Variants in SDK1 observed in about 807,000 individuals in gnomAD.
SDK1 encodes sidekick cell adhesion molecule 1, also known as protein sidekick-1.
A neutral mutation model predicts 245.5 loss-of-function variants in SDK1; 157 were observed. The ratio of observed to expected loss-of-function variants is 0.64; its 90% CI spans 0.56 to 0.73. The LOEUF (loss-of-function observed/expected upper bound fraction) is 0.73. Among genes scored for constraint, SDK1 ranks in the 30% least tolerant of loss-of-function variants. The pLI is 0.00. For missense variants in SDK1, 3,583 were observed against 3,002.3 expected (o/e 1.19, Z -4.52); for synonymous variants, 1,647 against 1,278.5 (o/e 1.29, Z -6.15).
In SDK1 at chr7:3,957,460, G is replaced by A. The variant is rs10238543; in HGVS notation, c.1151-1471G>A. Among the ~76,000 whole-genome samples the A allele has an allele frequency of 6.4e-3, 973 of 152,244 alleles. 15 individuals are homozygous for A. The highest frequency in any genetic ancestry group is 0.023 in the African/African-American group (935 of 41,528). On this transcript the variant is annotated intron_variant, in intron 7 of 44. Transcript: ENST00000404826. ...ACAGTGTTACTTCTCACAACTGCACGGACTCGACAGTTTTCTAAAAAGAAA... is the reference window on the plus strand; with the variant it reads ...ACAGTGTTACTTCTCACAACTGCACAGACTCGACAGTTTTCTAAAAAGAAA...
At chr7:3,979,609 C>A (rs965963750) in intron 13 of SDK1, among the ~76,000 whole-genome samples, 3 of 152,174 alleles carry the variant, frequency 2.0e-5, no homozygotes, top group African/African-American at 7.2e-5. Context: ...TTCATCCCCC[C>A]ACTGAGAGAA....
chr7:3,987,503 G>A (rs904743619), intron 14 of SDK1, among the ~76,000 whole-genome samples, 181 bp downstream of exon 14: 1 of 152,178 alleles, frequency 6.6e-6, no homozygotes, highest in Non-Finnish European at 1.5e-5. Flanking sequence ...GGACCTGAGA[G>A]AGGGAAGGGA....
At chr7:3,859,781 G>A (rs545202037) in intron 5 of SDK1, among the ~76,000 whole-genome samples, 7 of 152,248 alleles carry the variant, frequency 4.6e-5, no homozygotes, top group Admixed American at 1.3e-4. Flanking sequence ...TGTCACTCAC[G>A]TCACACTTCT....
At chr7:3,846,913 G>C (rs1780293523) in intron 5 of SDK1, among the ~76,000 whole-genome samples, 1 of 152,094 alleles carries the variant, frequency 6.6e-6, no homozygotes, top group Non-Finnish European at 1.5e-5. Flanking sequence ...GCAGGTGAAA[G>C]GTGACCTGTC....
At chr7:3,546,661 A>G (rs1779235230) in intron 1 of SDK1, among the ~76,000 whole-genome samples, 1 of 152,226 alleles carries the variant, frequency 6.6e-6, no homozygotes, top group African/African-American at 2.4e-5. Flanking sequence ...CCCAGGGGGG[A>G]CGTCTCCCAA....
At chr7:3,919,636 C>G (rs564049636) in intron 5 of SDK1, among the ~76,000 whole-genome samples, 1 of 152,294 alleles carries the variant, frequency 6.6e-6, no homozygotes, top group South Asian at 2.1e-4. Flanking sequence ...CAATGGAGCA[C>G]CGGCTCTTAG....
At chr7:4,050,548 A>G (rs917749819) in intron 18 of SDK1, among the ~76,000 whole-genome samples, 4 of 152,210 alleles carry the variant, frequency 2.6e-5, no homozygotes, top group African/African-American at 9.7e-5. Flanking sequence ...AGTCCTAGAA[A>G]TGTTTGGTGC....
chr7:3,494,203 T>A (rs949905805), intron 1 of SDK1, among the ~76,000 whole-genome samples: 1 of 152,196 alleles, frequency 6.6e-6, no homozygotes, highest in Non-Finnish European at 1.5e-5. Context: ...AGGAAAACTT[T>A]TAGGAGCTTT....
chr7:3,437,290 A>C (rs1421307712), intron 1 of SDK1, among the ~76,000 whole-genome samples: 1 of 152,018 alleles, frequency 6.6e-6, no homozygotes, highest in East Asian at 1.9e-4. Flanking sequence ...CCCAGATTTG[A>C]GGGGTGGGCC....
At chr7:3,685,195 A>T (rs1784240867) in intron 4 of SDK1, among the ~76,000 whole-genome samples, 1 of 135,744 alleles carries the variant, frequency 7.4e-6, no homozygotes, top group South Asian at 2.5e-4. Flanking sequence ...CATCATAAAT[A>T]AACTTGTGAA....
chr7:4,123,713 CATT>C (rs1385072785), intron 25 of SDK1, among the ~76,000 whole-genome samples: 4 of 152,342 alleles, frequency 2.6e-5, no homozygotes, highest in Non-Finnish European at 5.9e-5. Context: ...GACTGGCTGG[CATT>C]ATCTCCCTCC....
rs190022416 is a variant in SDK1, at chr7:3,619,771, C to A, written c.458+532C>A. Among the ~76,000 whole-genome samples, 373 of 152,284 alleles carry A rather than the reference C, an allele frequency of 2.4e-3. 3 individuals carry two copies. Among genetic ancestry groups the A allele is most frequent in the South Asian group, 0.018 (85 of 4,812 alleles). On this transcript the variant is annotated intron_variant, in intron 2 of 44. Coordinates refer to ENST00000404826, the MANE Select transcript of SDK1 (RefSeq NM_152744.4). Reference sequence around the variant, plus strand: ...ATATATTGAAGTCCTGCCATGTGCCCAGCACTGTGCCAGTCACCAGGGATC... The same window carrying A: ...ATATATTGAAGTCCTGCCATGTGCCAAGCACTGTGCCAGTCACCAGGGATC...
chr7:3,460,530 TTA>T (rs1370275364), intron 1 of SDK1, among the ~76,000 whole-genome samples: 1 of 152,204 alleles, frequency 6.6e-6, no homozygotes, highest in African/African-American at 2.4e-5. Flanking sequence ...TTCGGATAAT[TTA>T]TATGTCAGTG....
chr7:3,861,127 C>G lies in SDK1; in HGVS notation c.847+39544C>G, dbSNP rs375622017. On this transcript the variant is annotated intron_variant, in intron 5 of 44. Transcript: ENST00000404826. The stretch of plus-strand genomic sequence containing the variant: ...GCTGTGAAAAATAGTTGCACATGAT[C>G]ACAGGGAGACACGCGTAAGGGTGTT... 2.2e-4 allele frequency among the ~76,000 whole-genome samples: 34 copies of G among 152,036 alleles called. No homozygotes were observed. In the East Asian group the frequency reaches 5.2e-3, roughly 23 times the overall value.
intron 40 of SDK1, among the ~76,000 whole-genome samples, chr7:4,226,249 T>C (rs909656108): frequency 1.3e-5 from 2 of 152,192 alleles, no homozygotes; most frequent in African/African-American, 4.8e-5. Flanking sequence ...ACAGGGGCCC[T>C]CACCGCTGGG....
intron 4 of SDK1, among the ~76,000 whole-genome samples, chr7:3,766,623 G>C (rs1288669791): frequency 2.0e-5 from 3 of 152,118 alleles, no homozygotes; most frequent in Admixed American, 2.0e-4. Context: ...GCTTTAGTAA[G>C]GACATGCAAG....
chr7:3,533,835 C>G (rs569619069), intron 1 of SDK1, among the ~76,000 whole-genome samples: 1 of 151,502 alleles, frequency 6.6e-6, no homozygotes, highest in East Asian at 1.9e-4. Flanking sequence ...TGAATATATT[C>G]AATATATTTC....
rs574835996 is a variant in SDK1, at chr7:3,411,702, C to A, written c.298+109818C>A. On this transcript the variant is annotated intron_variant, in intron 1 of 44. Coordinates refer to ENST00000404826, the MANE Select transcript of SDK1 (RefSeq NM_152744.4). The stretch of plus-strand genomic sequence containing the variant: ...AATGCAGCAATTTCTCTTATTCATA[C>A]TAATTCTCATTTTTTTTTCTGCATC... 7.9e-5 allele frequency among the ~76,000 whole-genome samples: 12 copies of A among 152,114 alleles called. No individual in the cohort carries two copies. The East Asian group carries it at 2.1e-3, about 27-fold the overall frequency.
intron 5 of SDK1, among the ~76,000 whole-genome samples, chr7:3,929,385 G>T (rs1779895975): frequency 6.6e-6 from 1 of 152,166 alleles, no homozygotes; most frequent in Admixed American, 6.5e-5. Flanking sequence ...ATTTGGCGGG[G>T]TTGCTTATGT....
Sources: gnomAD v4.1 joint callset for allele counts (sites outside exome capture counted in the v4.1 genomes callset) on GRCh38, gnomAD v4.1.1 for gene constraint, MANE v1.5 for transcripts, NCBI Gene and HGNC (gene_info 2026-07-23, HGNC 2026-07-21) for gene names.